Variants in CMSS1 observed in about 807,000 individuals in gnomAD.
CMSS1 encodes protein CMSS1.
CMSS1 carries 33 observed loss-of-function variants against 43.5 expected under a neutral mutation model. The ratio of observed to expected loss-of-function variants is 0.76; its 90% CI spans 0.57 to 1.01. The LOEUF (loss-of-function observed/expected upper bound fraction) is 1.01, where lower values mean the gene tolerates loss of function less well. Ranked by LOEUF, CMSS1 falls within the 50% of genes least tolerant of loss-of-function variation. CMSS1 has a pLI of 0.00. For missense variants in CMSS1, 313 were observed against 326.4 expected (o/e 0.96, Z 0.32); for synonymous variants, 115 against 117.2 (o/e 0.98, Z 0.12).
intron 1 of CMSS1, among the ~76,000 whole-genome samples, chr3:100,115,575 GTCTCTCTCTCTCTCTCTCTCTCTCTC>G (rs66793218): frequency 0.03 from 2,989 of 98,054 alleles, 45 homozygotes; most frequent in African/African-American, 0.041. Context: ...CTCTCTCTCT[GTCTCTCTCTCTCTCTCTCTCTCTCTC>G]TCTCTCTCTC....
chr3:99,860,544 G>C (rs1465677933), intron 1 of CMSS1, among the ~76,000 whole-genome samples: 3 of 152,148 alleles, frequency 2.0e-5, no homozygotes, highest in African/African-American at 7.2e-5. Context: ...CAAGTAAAAG[G>C]CCAGTCTGAG....
At chr3:99,851,156 T>C (rs1285585389) in intron 1 of CMSS1, 5 of 1,083,698 alleles carry the variant, frequency 4.6e-6, no homozygotes, top group East Asian at 2.6e-5. Context: ...AATTTAGAAA[T>C]TATGTAATTA....
At chr3:100,160,671 C>T (rs1463221963) in intron 3 of CMSS1, among the ~76,000 whole-genome samples, 170 bp downstream of exon 3, 3 of 152,158 alleles carry the variant, frequency 2.0e-5, no homozygotes, top group Non-Finnish European at 2.9e-5. Context: ...ATAAGTGTTT[C>T]TGTTGGAGCT....
intron 6 of CMSS1, 57 bp downstream of exon 6, chr3:100,167,897 C>CA (rs2067078258): frequency 1.7e-6 from 2 of 1,193,510 alleles, no homozygotes; most frequent in South Asian, 2.6e-5. Context: ...TGATATATGC[C>CA]AAGCTATTAT....
chr3:99,832,971 A>T (rs1370299885), intron 1 of CMSS1, among the ~76,000 whole-genome samples: 1 of 151,922 alleles, frequency 6.6e-6, no homozygotes, highest in East Asian at 1.9e-4. Flanking sequence ...CGTTATGTCA[A>T]ATAGCTCCAA....
At chr3:100,064,448 C>T (rs1265297286) in intron 1 of CMSS1, among the ~76,000 whole-genome samples, 3 of 151,154 alleles carry the variant, frequency 2.0e-5, no homozygotes, top group Admixed American at 6.6e-5. Flanking sequence ...CAACAGTGTT[C>T]GTGTTTGCCA....
chr3:100,116,131 CA>C (rs1193497081), intron 1 of CMSS1, among the ~76,000 whole-genome samples: 1 of 152,160 alleles, frequency 6.6e-6, no homozygotes, highest in African/African-American at 2.4e-5. Flanking sequence ...GTCTTGTAAC[CA>C]AACCCACTTG....
intron 1 of CMSS1, chr3:100,075,765 A>G (rs762088554): frequency 6.6e-6 from 1 of 152,208 alleles, no homozygotes; most frequent in African/African-American, 2.4e-5. Context: ...TGATAGTAAC[A>G]TCGTTGGACC....
intron 1 of CMSS1, among the ~76,000 whole-genome samples, chr3:99,984,482 A>G (rs949367521): frequency 2.0e-5 from 3 of 152,182 alleles, no homozygotes; most frequent in Non-Finnish European, 4.4e-5. Flanking sequence ...AAATTCTATC[A>G]TTTGCATTAA....
chr3:100,024,086 C>T (rs993477277), intron 1 of CMSS1, among the ~76,000 whole-genome samples: 7 of 152,148 alleles, frequency 4.6e-5, no homozygotes, highest in African/African-American at 1.7e-4. Context: ...TCCCACAACT[C>T]TAACTACATC....
At chr3:100,152,890 C>T (rs2066933222) in intron 2 of CMSS1, among the ~76,000 whole-genome samples, 1 of 152,170 alleles carries the variant, frequency 6.6e-6, no homozygotes, top group African/African-American at 2.4e-5. Context: ...TCCAAAATTT[C>T]ATAGTGTTGT....
chr3:99,876,426 T>C (rs898392355), intron 1 of CMSS1, among the ~76,000 whole-genome samples: 3 of 152,228 alleles, frequency 2.0e-5, no homozygotes, highest in Non-Finnish European at 4.4e-5. Flanking sequence ...CCTGTCGGGC[T>C]AACAAAGTCA....
rs1419165386 is a variant in CMSS1 at position 100,110,835 on chromosome 3, G to C, written c.65-36138G>C. Among the ~76,000 whole-genome samples, 12 of 152,178 alleles carry C rather than the reference G, an allele frequency of 7.9e-5. No individual in the cohort carries two copies. The East Asian group carries it at 2.3e-3, about 29-fold the overall frequency. ...ATGCTTGCACCAGAAGCAGGATCTG[G>C]ACTGGGTAGAAAATTGTCTGATCTG... On this transcript the variant is annotated intron_variant, in intron 1 of 9. Coordinates refer to ENST00000421999, the MANE Select transcript of CMSS1 (RefSeq NM_032359.4).
At chr3:100,051,754 A>G (rs1165560613) in intron 1 of CMSS1, among the ~76,000 whole-genome samples, 1 of 151,590 alleles carries the variant, frequency 6.6e-6, no homozygotes, top group Non-Finnish European at 1.5e-5. Flanking sequence ...CTAGTCGATC[A>G]TTGTTGGACA....
chr3:100,091,202 G>A (rs1241374406), intron 1 of CMSS1, among the ~76,000 whole-genome samples: 3 of 151,300 alleles, frequency 2.0e-5, no homozygotes, highest in Admixed American at 6.6e-5. Context: ...GGAGAATGGC[G>A]TGAACCTGGA....
chr3:100,085,694 C>T (rs1016193568), intron 1 of CMSS1, among the ~76,000 whole-genome samples: 3 of 152,160 alleles, frequency 2.0e-5, no homozygotes, highest in African/African-American at 7.2e-5. Flanking sequence ...CTGAAGTACT[C>T]TTCAGCCACT....
At chr3:100,069,880 A>G (rs1347332313) in intron 1 of CMSS1, among the ~76,000 whole-genome samples, 1 of 152,182 alleles carries the variant, frequency 6.6e-6, no homozygotes, top group Non-Finnish European at 1.5e-5. Flanking sequence ...TAGAGGACTC[A>G]CACTATCCAG....
intron 1 of CMSS1, among the ~76,000 whole-genome samples, chr3:100,042,871 A>T (rs1471851898): frequency 6.6e-6 from 1 of 152,256 alleles, no homozygotes; most frequent in Non-Finnish European, 1.5e-5. Flanking sequence ...AAGGAGAGGA[A>T]TAGAGCCAAA....
At chr3:99,968,808 A>G (rs535662596) in intron 1 of CMSS1, among the ~76,000 whole-genome samples, 1 of 152,322 alleles carries the variant, frequency 6.6e-6, no homozygotes, top group South Asian at 2.1e-4. Context: ...GTTTCAGTCC[A>G]GTGGCCAGGG....
Sources: allele counts gnomAD v4.1 joint callset (sites outside exome capture counted in the v4.1 genomes callset), GRCh38; gene constraint gnomAD v4.1.1; transcripts MANE v1.5; gene names NCBI Gene and HGNC (gene_info 2026-07-23, HGNC 2026-07-21).